Variants in STK32B observed in about 807,000 individuals in gnomAD.
The protein encoded by STK32B is serine/threonine kinase 32B.
In STK32B, 43 loss-of-function variants were observed where a neutral mutation model predicts 52.6. The observed-to-expected ratio is 0.82, with a 90% CI of 0.64 to 1.05. STK32B has a LOEUF of 1.05. Ranked by LOEUF, STK32B falls within the 50% of genes least tolerant of loss-of-function variation. STK32B has a pLI of 0.00. For missense variants in STK32B, 621 were observed against 534.6 expected (o/e 1.16, Z -1.59); for synonymous variants, 238 against 204.3 (o/e 1.17, Z -1.41).
At chr4:5,479,864 C>T (rs371432467) in intron 11 of STK32B, among the ~76,000 whole-genome samples, 13 of 152,144 alleles carry the variant, frequency 8.5e-5, no homozygotes, top group African/African-American at 2.7e-4. Context: ...TGTTTTGGGG[C>T]GTTTCTTTTT....
At chr4:5,302,292 G>T (rs79705926) in intron 3 of STK32B, among the ~76,000 whole-genome samples, 4,002 of 150,644 alleles carry the variant, frequency 0.027, 59 homozygotes, top group Non-Finnish European at 0.042. Flanking sequence ...TATATTCTGT[G>T]TGTATGTTTT....
At chr4:5,312,510 T>A (rs1730367332) in intron 3 of STK32B, among the ~76,000 whole-genome samples, 1 of 151,552 alleles carries the variant, frequency 6.6e-6, no homozygotes, top group Non-Finnish European at 1.5e-5. Flanking sequence ...ATTGTTCAAT[T>A]CCCACCTGTG....
At chr4:5,383,657 G>A (rs1016804668) in intron 4 of STK32B, among the ~76,000 whole-genome samples, 36 of 152,136 alleles carry the variant, frequency 2.4e-4, no homozygotes, top group Admixed American at 1.2e-3. Context: ...TGCTGCACTG[G>A]TAATAGGGAC....
At chr4:5,413,791 C>G (rs75722961) in intron 5 of STK32B, among the ~76,000 whole-genome samples, 1 of 152,184 alleles carries the variant, frequency 6.6e-6, no homozygotes, top group Non-Finnish European at 1.5e-5. Context: ...GGGCAGCCTC[C>G]TCTGCAGCGA....
intron 3 of STK32B, among the ~76,000 whole-genome samples, chr4:5,254,211 T>C (rs376817211): frequency 6.6e-6 from 1 of 152,238 alleles, no homozygotes; most frequent in African/African-American, 2.4e-5. Context: ...CTCTTTATTA[T>C]ATTTTTAATG....
At chr4:5,429,631 CTT>C (rs1577484573) in intron 6 of STK32B, among the ~76,000 whole-genome samples, 1 of 151,856 alleles carries the variant, frequency 6.6e-6, no homozygotes, top group South Asian at 2.1e-4. Flanking sequence ...TAAAAAAAAA[CTT>C]TGCATTTACC....
At position 5,168,468 on chromosome 4, in the gene STK32B, C is replaced by G. The variant is rs1420997080; in HGVS notation, c.260+18C>G. 1 of 1,604,702 alleles carries G rather than the reference C, an allele frequency of 6.2e-7. No homozygotes were observed. Among genetic ancestry groups the G allele is most frequent in the Non-Finnish European group, 8.5e-7 (1 of 1,174,512 alleles). On this transcript the variant is annotated intron_variant, in intron 3 of 11. Coordinates refer to ENST00000282908, the MANE Select transcript of STK32B (RefSeq NM_018401.3). ...AATCTGTGGTGAGTGTGGCTCCATC[C>G]AGGGCTCCTGTGGGTTCCCCTGTGG...
chr4:5,424,699 T>C (rs1712935374), intron 6 of STK32B, among the ~76,000 whole-genome samples: 1 of 152,252 alleles, frequency 6.6e-6, no homozygotes, highest in Admixed American at 6.5e-5. Flanking sequence ...CAGTTGTCCA[T>C]GTACCTCATT....
intron 3 of STK32B, among the ~76,000 whole-genome samples, chr4:5,245,517 T>G (rs1725378168): frequency 6.6e-6 from 1 of 152,172 alleles, no homozygotes; most frequent in Non-Finnish European, 1.5e-5. Context: ...GGGTCTTGAG[T>G]CTTTATCCAA....
At chr4:5,279,006 C>T (rs1162543156) in intron 3 of STK32B, among the ~76,000 whole-genome samples, 1 of 152,176 alleles carries the variant, frequency 6.6e-6, no homozygotes, top group African/African-American at 2.4e-5. Context: ...TACAATTTGA[C>T]ATGAGATTTG....
At chr4:5,160,967 A>G (rs1577123359) in intron 2 of STK32B, among the ~76,000 whole-genome samples, 1 of 152,210 alleles carries the variant, frequency 6.6e-6, no homozygotes, top group South Asian at 2.1e-4. Context: ...TGGCAGGTAC[A>G]GGGAAGGAGC....
intron 3 of STK32B, among the ~76,000 whole-genome samples, chr4:5,200,862 G>A (rs568334946): frequency 1.3e-5 from 2 of 152,102 alleles, no homozygotes; most frequent in Non-Finnish European, 2.9e-5. Flanking sequence ...TGTGACTAAG[G>A]TTCAGGCATC....
intron 11 of STK32B, among the ~76,000 whole-genome samples, chr4:5,487,627 A>C (rs1333672282): frequency 6.6e-6 from 1 of 152,198 alleles, no homozygotes; most frequent in Non-Finnish European, 1.5e-5. Flanking sequence ...ACTTGACCAA[A>C]AAGCTGTGCT....
intron 1 of STK32B, among the ~76,000 whole-genome samples, chr4:5,114,601 T>C (rs944395330): frequency 2.6e-5 from 4 of 152,200 alleles, no homozygotes; most frequent in African/African-American, 9.6e-5. Flanking sequence ...CTGCTTTAAT[T>C]AAATGCCAGG....
chr4:5,316,447 CAT>C (rs1438210585), intron 3 of STK32B, among the ~76,000 whole-genome samples: 1 of 11,126 alleles, frequency 9.0e-5, no homozygotes, highest in Non-Finnish European at 1.1e-4. Flanking sequence ...ATATATATTA[CAT>C]ATATAATATA....
chr4:5,127,075 A>G (rs1715409927), intron 1 of STK32B: 2 of 507,448 alleles, frequency 3.9e-6, no homozygotes, highest in Non-Finnish European at 7.9e-6. Flanking sequence ...GGTGCTGCCT[A>G]AGTGCTTTAT....
chr4:5,212,151 C>T (rs563079745), intron 3 of STK32B, among the ~76,000 whole-genome samples: 93 of 152,218 alleles, frequency 6.1e-4, no homozygotes, highest in African/African-American at 2.1e-3. Context: ...TGTCAGGGAC[C>T]GCTCTGATGT....
At chr4:5,276,691 T>A (rs987397474) in intron 3 of STK32B, among the ~76,000 whole-genome samples, 3 of 152,146 alleles carry the variant, frequency 2.0e-5, no homozygotes, top group Admixed American at 6.5e-5. Context: ...GTGCATCTTT[T>A]CATCACGAGG....
At chr4:5,064,241 C>T (rs1330973959) in intron 1 of STK32B, among the ~76,000 whole-genome samples, 1 of 136,744 alleles carries the variant, frequency 7.3e-6, no homozygotes, top group Non-Finnish European at 1.6e-5. Flanking sequence ...TATATTTATA[C>T]ACAATATATA....
Sources: gnomAD v4.1 joint callset for allele counts (sites outside exome capture counted in the v4.1 genomes callset) on GRCh38, gnomAD v4.1.1 for gene constraint, MANE v1.5 for transcripts, NCBI Gene and HGNC (gene_info 2026-07-23, HGNC 2026-07-21) for gene names.